Variants in ITSN1 observed in about 807,000 individuals in gnomAD.
The protein encoded by ITSN1 is intersectin 1.
In ITSN1, 58 loss-of-function variants were observed where a neutral mutation model predicts 239.8. The ratio of observed to expected loss-of-function variants is 0.24; its 90% CI spans 0.20 to 0.30. The LOEUF is 0.30. ITSN1 is among the 10% of genes least tolerant of loss of function. The pLI is 1.00. For synonymous variants in ITSN1, 780 were observed against 770.8 expected (o/e 1.01, Z -0.20); for missense variants, 1,558 against 2,103.3 (o/e 0.74, Z 5.07).
chr21:33,671,621 G>A (rs2090287099), intron 1 of ITSN1, among the ~76,000 whole-genome samples: 2 of 152,008 alleles, frequency 1.3e-5, no homozygotes, highest in African/African-American at 4.8e-5. Context: ...TGACCAACAT[G>A]GTGAAACCCC....
intron 8 of ITSN1, among the ~76,000 whole-genome samples, chr21:33,759,230 A>G (rs2068124634): frequency 6.6e-6 from 1 of 152,252 alleles, no homozygotes; most frequent in African/African-American, 2.4e-5. Context: ...GCTTACCAAA[A>G]CAGGCAGTGG....
intron 31 of ITSN1, among the ~76,000 whole-genome samples, chr21:33,863,798 G>A (rs1019774794): frequency 5.3e-5 from 8 of 152,108 alleles, no homozygotes; most frequent in African/African-American, 1.9e-4. Context: ...CCAAATTATT[G>A]GTGTCATCAC....
At chr21:33,691,537 A>T (rs1473665598) in intron 1 of ITSN1, among the ~76,000 whole-genome samples, 1 of 152,200 alleles carries the variant, frequency 6.6e-6, no homozygotes, top group African/African-American at 2.4e-5. Context: ...GTCAAGTAGC[A>T]GAATATGGTC....
intron 34 of ITSN1, among the ~76,000 whole-genome samples, chr21:33,877,871 T>C (rs1984219215): frequency 6.8e-6 from 1 of 147,102 alleles, no homozygotes; most frequent in Non-Finnish European, 1.5e-5. Flanking sequence ...GCCAGTTTTC[T>C]TGGAGTTAAA....
intron 23 of ITSN1, 82 bp from the exon 24 acceptor site, chr21:33,819,159 A>G: frequency 9.5e-7 from 1 of 1,048,584 alleles, no homozygotes; most frequent in Non-Finnish European, 1.5e-6. Context: ...AAAGTTAAGC[A>G]GTTTTAACAG....
At chr21:33,710,089 T>TG (rs2064062904) in intron 1 of ITSN1, among the ~76,000 whole-genome samples, 1 of 151,222 alleles carries the variant, frequency 6.6e-6, no homozygotes, top group African/African-American at 2.4e-5. Context: ...TTGTTTTTTT[T>TG]TTTTTTTGAG....
intron 33 of ITSN1, among the ~76,000 whole-genome samples, chr21:33,869,468 G>A (rs1193567804): frequency 5.3e-5 from 8 of 152,224 alleles, no homozygotes; most frequent in Non-Finnish European, 1.0e-4. Context: ...TGGGAATTAT[G>A]GGAACTACAA....
chr21:33,735,225 G>C (rs1248603398), intron 5 of ITSN1, 21 bp downstream of exon 5: 5 of 1,605,266 alleles, frequency 3.1e-6, no homozygotes, highest in East Asian at 2.2e-5. Flanking sequence ...AAATGAATTG[G>C]TTTCTGTATT....
At chr21:33,800,719 G>A (rs1602311748) in intron 19 of ITSN1, among the ~76,000 whole-genome samples, 1 of 151,906 alleles carries the variant, frequency 6.6e-6, no homozygotes, top group East Asian at 1.9e-4. Flanking sequence ...AAAGAAAATA[G>A]TAGTTCCTTG....
Position 33,818,302 on chromosome 21 carries a change from A to G in ITSN1, c.2763A>G (p.Leu921=), listed in dbSNP as rs754848882. 8 of 1,614,220 alleles carry G rather than the reference A, an allele frequency of 5.0e-6. No individual in the cohort carries two copies. Among genetic ancestry groups the G allele is most frequent in the Admixed American group, 3.3e-5 (2 of 60,032 alleles). Residue 921 remains leucine (L), a synonymous_variant, in exon 23 of 40, where the codon CTA becomes CTG. Coordinates refer to ENST00000381318, the MANE Select transcript of ITSN1 (RefSeq NM_003024.3). ...TGGAGGGGCTACAAGCTCAAGCCCTATATCCTTGGAGAGCCAAAAAAGACA... is the reference window on the plus strand; with the variant it reads ...TGGAGGGGCTACAAGCTCAAGCCCTGTATCCTTGGAGAGCCAAAAAAGACA... ...EKVEGLQAQA[L]YPWRAKKDNH... is the part of the protein sequence containing the mutation.
At position 33,858,895 on chromosome 21, in the gene ITSN1, T is replaced by G. The variant is rs1483983164; in HGVS notation, c.3890+103T>G. ...TCCTTCTTGCATGCTGCCCTGTGCT[T>G]CTTTCTGGCTTTTTTTTTTTCTTCT... On this transcript the variant is annotated intron_variant, in intron 31 of 39. Coordinates refer to ENST00000381318, the MANE Select transcript of ITSN1 (RefSeq NM_003024.3). 3 of 589,224 alleles carry G rather than the reference T, an allele frequency of 5.1e-6. No homozygotes were observed. In the African/African-American group the frequency reaches 5.8e-5, roughly 11 times the overall value. The allele number at this position is 589,224 out of a possible 1,614,324, so 36.5% of individuals were successfully genotyped here.
intron 16 of ITSN1, among the ~76,000 whole-genome samples, chr21:33,785,258 A>G (rs979855321): frequency 6.6e-6 from 1 of 152,182 alleles, no homozygotes; most frequent in Admixed American, 6.5e-5. Context: ...ATTTAACAAA[A>G]ATTGATTCTC....
At chr21:33,840,909 C>A (rs972101687) in intron 29 of ITSN1, among the ~76,000 whole-genome samples, 62 of 152,290 alleles carry the variant, frequency 4.1e-4, no homozygotes, top group Admixed American at 3.9e-3. Flanking sequence ...TAGCATTAGA[C>A]AAGATGAGTC....
intron 11 of ITSN1, among the ~76,000 whole-genome samples, chr21:33,770,507 G>C (rs2069075786): frequency 6.6e-6 from 1 of 152,122 alleles, no homozygotes; most frequent in East Asian, 1.9e-4. Flanking sequence ...GTGCCTTGCA[G>C]CCACAACCTC....
chr21:33,736,207 G>A (rs1359155773), intron 5 of ITSN1, among the ~76,000 whole-genome samples: 1 of 152,198 alleles, frequency 6.6e-6, no homozygotes, highest in Admixed American at 6.5e-5. Context: ...ATTGTGGCTA[G>A]AGTTTCTTTT....
At chr21:33,743,967 T>G (rs2067023914) in intron 5 of ITSN1, among the ~76,000 whole-genome samples, 1 of 152,198 alleles carries the variant, frequency 6.6e-6, no homozygotes, top group South Asian at 2.1e-4. Flanking sequence ...ACATGAGCCT[T>G]TCTTAAGGAA....
At position 33,690,784 on chromosome 21, in the gene ITSN1, TATATAC is replaced by T. The variant is rs1218296432; in HGVS notation, c.-32-28007_-32-28002del. ...TCAGAAAAAAAAAAGTGTATATATA[TATATAC>T]ATATATATATATATATATATATATG... On this transcript the variant is annotated intron_variant, in intron 1 of 39. Coordinates refer to ENST00000381318, the MANE Select transcript of ITSN1 (RefSeq NM_003024.3). Among the ~76,000 whole-genome samples the T allele has an allele frequency of 9.4e-4, 9 of 9,620 alleles. No individual in the cohort carries two copies. In the African/African-American group the frequency reaches 9.9e-3, roughly 11 times the overall value. The allele number at this position is 9,620 out of a possible 152,430, so 6.3% of individuals were successfully genotyped here. A position where few individuals can be genotyped will look rare whatever the true frequency, so the allele number is the denominator to read the frequency against.
intron 3 of ITSN1, 52 bp from the exon 4 acceptor site, chr21:33,722,536 C>T (rs1039871536): frequency 1.4e-5 from 21 of 1,516,738 alleles, no homozygotes; most frequent in Admixed American, 9.8e-5. Flanking sequence ...GGATTTCTGT[C>T]AGCTGTTGTT....
intron 23 of ITSN1, 150 bp downstream of exon 23, chr21:33,818,622 C>G: frequency 1.5e-6 from 1 of 672,636 alleles, no homozygotes; most frequent in South Asian, 1.9e-5. Context: ...TATAGAGTAC[C>G]AAAAGGGAGC....
Sources: gnomAD v4.1 joint callset for allele counts (sites outside exome capture counted in the v4.1 genomes callset) on GRCh38, gnomAD v4.1.1 for gene constraint, MANE v1.5 for transcripts, NCBI Gene and HGNC (gene_info 2026-07-23, HGNC 2026-07-21) for gene names.